Variants in SORCS1 observed in about 807,000 individuals in gnomAD.
The protein encoded by SORCS1 is sortilin related VPS10 domain containing receptor 1.
In SORCS1, 60 loss-of-function variants were observed where a neutral mutation model predicts 146.1. That is an observed-to-expected ratio of 0.41 (90% confidence interval 0.33 to 0.51). The LOEUF (loss-of-function observed/expected upper bound fraction) is 0.51. Among genes scored for constraint, SORCS1 ranks in the 20% least tolerant of loss-of-function variants. The probability of loss-of-function intolerance (pLI) is 0.21; values close to 1 mark genes in which losing one functional copy is unlikely to be tolerated. For synonymous variants in SORCS1, 637 were observed against 584.0 expected (o/e 1.09, Z -1.31); for missense variants, 1,352 against 1,487.6 (o/e 0.91, Z 1.50).
chr10:106,794,584 G>T (rs1256578960), intron 3 of SORCS1, among the ~76,000 whole-genome samples: 1 of 147,608 alleles, frequency 6.8e-6, no homozygotes, highest in Non-Finnish European at 1.5e-5. Flanking sequence ...CTCACTGCAA[G>T]CTGTGCCTCC....
At chr10:107,145,541 GAAATA>G (rs1242963279) in intron 1 of SORCS1, among the ~76,000 whole-genome samples, 2 of 152,078 alleles carry the variant, frequency 1.3e-5, no homozygotes, top group African/African-American at 4.8e-5. Flanking sequence ...TTTTAAGAAA[GAAATA>G]AAATAGAATT....
chr10:106,626,025 C>G (rs1848086865), intron 19 of SORCS1, among the ~76,000 whole-genome samples: 1 of 152,162 alleles, frequency 6.6e-6, no homozygotes, highest in Admixed American at 6.5e-5. Context: ...CAAGACCGGC[C>G]CACTCCCAGA....
intron 3 of SORCS1, among the ~76,000 whole-genome samples, chr10:106,821,201 G>T (rs1168745330): frequency 6.6e-6 from 1 of 152,158 alleles, no homozygotes; most frequent in Non-Finnish European, 1.5e-5. Flanking sequence ...TAAAAAACAT[G>T]CAGTTTCCAG....
At chr10:106,979,541 G>A (rs1956166873) in intron 1 of SORCS1, among the ~76,000 whole-genome samples, 1 of 151,666 alleles carries the variant, frequency 6.6e-6, no homozygotes, top group Non-Finnish European at 1.5e-5. Flanking sequence ...TATCAGACTG[G>A]AGTTTTTGCT....
At chr10:106,957,373 T>C (rs977326784) in intron 1 of SORCS1, among the ~76,000 whole-genome samples, 2 of 151,900 alleles carry the variant, frequency 1.3e-5, no homozygotes, top group African/African-American at 2.4e-5. Flanking sequence ...GGTTTCGCCA[T>C]GTTGGGTAGG....
intron 24 of SORCS1, among the ~76,000 whole-genome samples, chr10:106,588,809 C>T (rs945571373): frequency 7.9e-4 from 107 of 135,260 alleles, no homozygotes; most frequent in East Asian, 4.3e-4. Flanking sequence ...TGCAGTGAGC[C>T]GAGATCACGC....
intron 2 of SORCS1, among the ~76,000 whole-genome samples, chr10:106,842,794 G>T (rs1949108707): frequency 6.6e-6 from 1 of 151,420 alleles, no homozygotes; most frequent in African/African-American, 2.4e-5. Flanking sequence ...TGTATTTTTA[G>T]TAGAGATGGG....
intron 4 of SORCS1, among the ~76,000 whole-genome samples, chr10:106,771,145 G>A (rs1859991444): frequency 6.6e-6 from 1 of 152,088 alleles, no homozygotes; most frequent in Non-Finnish European, 1.5e-5. Context: ...AATCCTAACA[G>A]AGGCTCCAAG....
chr10:106,958,355 T>A (rs747981413), intron 1 of SORCS1, among the ~76,000 whole-genome samples: 1 of 152,328 alleles, frequency 6.6e-6, no homozygotes, highest in Non-Finnish European at 1.5e-5. Context: ...GGCCAAGGGA[T>A]CAGTTCTAGC....
intron 3 of SORCS1, among the ~76,000 whole-genome samples, chr10:106,826,254 A>C (rs1260598176): frequency 2.0e-5 from 3 of 152,254 alleles, no homozygotes; most frequent in Admixed American, 1.3e-4. Flanking sequence ...TGATGTTGTC[A>C]GTTTTATTCC....
At chr10:106,741,766 A>C (rs1857382531) in intron 5 of SORCS1, among the ~76,000 whole-genome samples, 1 of 152,144 alleles carries the variant, frequency 6.6e-6, no homozygotes, top group Non-Finnish European at 1.5e-5. Context: ...CTAGATATTA[A>C]TTTCTTCAGC....
intron 1 of SORCS1, among the ~76,000 whole-genome samples, chr10:107,027,132 T>C (rs1171481428): frequency 6.6e-6 from 1 of 150,576 alleles, no homozygotes; most frequent in African/African-American, 2.4e-5. Flanking sequence ...TCCTGTAACT[T>C]CTCTCTGAAG....
intron 5 of SORCS1, among the ~76,000 whole-genome samples, chr10:106,740,939 C>T (rs1857315881): frequency 6.6e-6 from 1 of 152,200 alleles, no homozygotes; most frequent in Non-Finnish European, 1.5e-5. Context: ...GGGCTCTATA[C>T]ACCACCTGTA....
intron 3 of SORCS1, among the ~76,000 whole-genome samples, chr10:106,777,856 A>T (rs937579335): frequency 6.6e-6 from 1 of 152,166 alleles, no homozygotes; most frequent in African/African-American, 2.4e-5. Context: ...CTTCCCCATC[A>T]ACTTATTAAT....
intron 2 of SORCS1, among the ~76,000 whole-genome samples, chr10:106,839,626 A>C (rs1186183175): frequency 6.6e-6 from 1 of 152,244 alleles, no homozygotes; most frequent in Admixed American, 6.5e-5. Flanking sequence ...TAAACAGCAG[A>C]TGTTCAATGT....
chr10:106,726,857 C>T (rs537477720), intron 6 of SORCS1, among the ~76,000 whole-genome samples: 7 of 152,172 alleles, frequency 4.6e-5, no homozygotes, highest in South Asian at 2.1e-4. Flanking sequence ...GAGGCCGAGA[C>T]GGGCGGATCA....
At chr10:106,643,401 C>T (rs980347717) in intron 18 of SORCS1, among the ~76,000 whole-genome samples, 3 of 152,212 alleles carry the variant, frequency 2.0e-5, no homozygotes, top group African/African-American at 7.2e-5. Context: ...CGTGCACCTC[C>T]CGTGCCTACG....
intron 1 of SORCS1, among the ~76,000 whole-genome samples, chr10:107,079,898 C>T (rs1200315967): frequency 2.6e-5 from 4 of 152,182 alleles, no homozygotes; most frequent in African/African-American, 4.8e-5. Context: ...CAACCTTCCT[C>T]ATGAGCAGCT....
intron 2 of SORCS1, among the ~76,000 whole-genome samples, chr10:106,944,854 A>G (rs1954232269): frequency 7.2e-6 from 1 of 139,592 alleles, no homozygotes; most frequent in South Asian, 2.4e-4. Context: ...CTATGGTAGA[A>G]AGAAGCAAGA....
Sources: gnomAD v4.1 joint callset for allele counts (sites outside exome capture counted in the v4.1 genomes callset) on GRCh38, gnomAD v4.1.1 for gene constraint, MANE v1.5 for transcripts, NCBI Gene and HGNC (gene_info 2026-07-23, HGNC 2026-07-21) for gene names.